The following PCDH9 variants were observed in gnomAD, a reference collection of about 807,000 sequenced individuals.
PCDH9 encodes the protein protocadherin 9.
A neutral mutation model predicts 70.6 loss-of-function variants in PCDH9; 24 were observed. That is an observed-to-expected ratio of 0.34 (90% confidence interval 0.25 to 0.48). The LOEUF is 0.48. PCDH9 is among the 20% of genes least tolerant of loss of function. The pLI is 0.99. For missense variants in PCDH9, 1,281 were observed against 1,503.6 expected, an observed-to-expected ratio of 0.85 and a Z score of 2.45; for synonymous variants, 562 against 558.5, an observed-to-expected ratio of 1.01 and a Z score of -0.09.
chr13:66,307,229 C>G (rs1308877315), intron 4 of PCDH9, among the ~76,000 whole-genome samples: 1 of 151,632 alleles, frequency 6.6e-6, no homozygotes, highest in African/African-American at 2.4e-5. Flanking sequence ...TTTTAATTTC[C>G]TCCCAACTAG....
chr13:67,170,108 A>G (rs1430208137), intron 2 of PCDH9, among the ~76,000 whole-genome samples: 1 of 152,152 alleles, frequency 6.6e-6, no homozygotes, highest in African/African-American at 2.4e-5. Flanking sequence ...AAACAGCTTT[A>G]TATTATTCAC....
At chr13:67,098,816 T>A (rs970976123) in intron 2 of PCDH9, among the ~76,000 whole-genome samples, 2 of 150,874 alleles carry the variant, frequency 1.3e-5, no homozygotes, top group African/African-American at 2.4e-5. Flanking sequence ...GAAAAGAAAA[T>A]AAACCAGTGA....
At chr13:66,871,206 T>G (rs182958147) in intron 3 of PCDH9, among the ~76,000 whole-genome samples, 12,472 of 136,500 alleles carry the variant, frequency 0.091, 1,769 homozygotes, top group African/African-American at 0.32. Context: ...CATGGACACA[T>G]GAAGGGGAAC....
intron 3 of PCDH9, among the ~76,000 whole-genome samples, chr13:66,635,891 T>G (rs962095371): frequency 6.6e-6 from 1 of 152,172 alleles, no homozygotes; most frequent in African/African-American, 2.4e-5. Flanking sequence ...AAATGTCTAA[T>G]AGATGATTAG....
chr13:67,005,959 G>A (rs1005895787), intron 2 of PCDH9, among the ~76,000 whole-genome samples: 1 of 152,182 alleles, frequency 6.6e-6, no homozygotes, highest in Admixed American at 6.5e-5. Context: ...AGGCGCGGCG[G>A]CTCACGCCTG....
At chr13:66,946,067 G>T (rs2083083150) in intron 2 of PCDH9, among the ~76,000 whole-genome samples, 1 of 152,016 alleles carries the variant, frequency 6.6e-6, no homozygotes, top group Non-Finnish European at 1.5e-5. Flanking sequence ...GTCTTGATCT[G>T]CATTCATCTG....
At chr13:66,949,937 A>T (rs2083150801) in intron 2 of PCDH9, among the ~76,000 whole-genome samples, 1 of 152,082 alleles carries the variant, frequency 6.6e-6, no homozygotes, top group Non-Finnish European at 1.5e-5. Flanking sequence ...AACTTGCAAT[A>T]ATTTTAATTT....
At chr13:66,911,215 T>A (rs1481373123) in intron 2 of PCDH9, among the ~76,000 whole-genome samples, 4 of 152,314 alleles carry the variant, frequency 2.6e-5, no homozygotes, top group East Asian at 1.9e-4. Context: ...GTAACAGAAC[T>A]GACCATTAAA....
intron 4 of PCDH9, among the ~76,000 whole-genome samples, chr13:66,621,819 C>T (rs967859624): frequency 6.6e-6 from 1 of 152,284 alleles, no homozygotes; most frequent in East Asian, 1.9e-4. Context: ...CTCTCAGCGC[C>T]TCCTCTGCCT....
intron 4 of PCDH9, among the ~76,000 whole-genome samples, chr13:66,493,908 C>A (rs1218623146): frequency 2.6e-5 from 4 of 152,002 alleles, no homozygotes; most frequent in Admixed American, 6.6e-5. Flanking sequence ...GGTTTAATAA[C>A]ATTTTCAATA....
In PCDH9 at chr13:67,227,341, A is replaced by G. The variant is rs144424467; in HGVS notation, c.1100T>C (p.Ile367Thr). Residue 367 changes from isoleucine (I) to threonine (T), a missense_variant, in exon 2 of 5, where the codon ATC (isoleucine) becomes ACC (threonine). By Grantham distance (89) the Ile-to-Thr change is moderately conservative (BLOSUM62 -1). Transcript: ENST00000377865. This position sits in a 1 kb window ranked among gnomAD's most constrained non-coding sequence, Gnocchi z 4.6. ...CTCAGATAAATACACGGTGCCATTG[A>G]TGGGACTTATAATGTACCTGAGGTC... is the stretch of plus-strand genomic sequence containing the variant. ...NIDLRYIISP[I>T]NGTVYLSEKD... is the part of the protein sequence containing the mutation. The G allele has an allele frequency of 4.8e-4, 771 of 1,614,010 alleles. 6 individuals are homozygous for G. The African/African-American group carries it at 9.3e-3, about 19-fold the overall frequency.
At chr13:67,189,659 G>A (rs2088857365) in intron 2 of PCDH9, among the ~76,000 whole-genome samples, 1 of 151,900 alleles carries the variant, frequency 6.6e-6, no homozygotes, top group Admixed American at 6.6e-5. Context: ...AAGTTAGACA[G>A]TGATAAGTGC....
chr13:66,839,257 T>C (rs1325958923), intron 3 of PCDH9, among the ~76,000 whole-genome samples: 1 of 152,192 alleles, frequency 6.6e-6, no homozygotes, highest in Non-Finnish European at 1.5e-5. Context: ...CTCCAGTTTC[T>C]TGCTTCTGAA....
chr13:66,894,093 A>G (rs907621395), intron 3 of PCDH9, among the ~76,000 whole-genome samples: 5 of 152,114 alleles, frequency 3.3e-5, no homozygotes, highest in African/African-American at 9.7e-5. Flanking sequence ...TGGCCCCAGA[A>G]TCTCTCTTTC....
chr13:66,762,652 T>C (rs781391440), intron 3 of PCDH9, among the ~76,000 whole-genome samples: 10 of 152,056 alleles, frequency 6.6e-5, no homozygotes, highest in Non-Finnish European at 1.2e-4. Flanking sequence ...TGTGCATGTA[T>C]AGTTGTTCAA....
intron 2 of PCDH9, chr13:67,213,457 C>T: frequency 6.6e-6 from 1 of 151,840 alleles, no homozygotes; most frequent in South Asian, 2.1e-4. Flanking sequence ...AACATTTTGC[C>T]TGATTAGGTC....
intron 3 of PCDH9, among the ~76,000 whole-genome samples, chr13:66,661,788 G>A (rs946513209): frequency 1.3e-5 from 2 of 152,164 alleles, no homozygotes; most frequent in African/African-American, 4.8e-5. Context: ...ACTGATAAAG[G>A]GGGAAGGGTG....
intron 3 of PCDH9, among the ~76,000 whole-genome samples, chr13:66,643,004 C>T (rs929414045): frequency 6.6e-6 from 1 of 151,690 alleles, no homozygotes; most frequent in African/African-American, 2.4e-5. Flanking sequence ...TGAGAGAATG[C>T]GATGAATAAT....
chr13:66,838,811 T>C (rs994452202), intron 3 of PCDH9, among the ~76,000 whole-genome samples: 2 of 152,128 alleles, frequency 1.3e-5, no homozygotes, highest in Non-Finnish European at 2.9e-5. Context: ...TTCTCTCTTC[T>C]GCTTATAATG....
Sources: allele counts gnomAD v4.1 joint callset (sites outside exome capture counted in the v4.1 genomes callset), GRCh38; gene constraint gnomAD v4.1.1; non-coding constraint Gnocchi (gnomAD v3.1); transcripts MANE v1.5; gene names NCBI Gene and HGNC (gene_info 2026-07-23, HGNC 2026-07-21).